Variants in STXBP5L observed in about 807,000 individuals in gnomAD.
STXBP5L encodes syntaxin-binding protein 5-like.
STXBP5L carries 65 observed loss-of-function variants against 144.5 expected under a neutral mutation model. The observed-to-expected ratio is 0.45, with a 90% confidence interval of 0.37 to 0.55. The LOEUF is 0.55. Ranked by LOEUF, STXBP5L falls within the 20% of genes least tolerant of loss-of-function variation. STXBP5L has a pLI of 0.00. For missense variants in STXBP5L, 1,298 were observed against 1,405.5 expected, an observed-to-expected ratio of 0.92 and a Z score of 1.22; for synonymous variants, 505 against 469.6, an observed-to-expected ratio of 1.08 and a Z score of -0.97.
At position 121,418,594 on chromosome 3, in the gene STXBP5L, G is replaced by A. The variant is rs753861537; in HGVS notation, c.3447+37G>A. On this transcript the variant is annotated intron_variant, in intron 26 of 26. Transcript: ENST00000471454. ...AAGTAAATACAGACATCTTCATACA[G>A]GAGTAACTTTAAACATTTAGGATCT... 1.9e-6 allele frequency: 3 copies of A among 1,594,440 alleles called. No homozygotes were observed. The South Asian group carries it at 3.3e-5, about 18-fold the overall frequency.
intron 19 of STXBP5L, among the ~76,000 whole-genome samples, chr3:121,312,503 G>A (rs1393361158): frequency 1.4e-4 from 16 of 111,292 alleles, no homozygotes; most frequent in East Asian, 2.4e-4. Context: ...GGTGTTTCTC[G>A]CAGAGGGGGA....
chr3:121,242,180 A>T (rs996236867), intron 14 of STXBP5L, among the ~76,000 whole-genome samples: 4 of 152,184 alleles, frequency 2.6e-5, no homozygotes, highest in Non-Finnish European at 5.9e-5. Flanking sequence ...AAGGAAATGA[A>T]CCTTGGTTCA....
chr3:121,097,284 C>T (rs2043178601), intron 5 of STXBP5L, among the ~76,000 whole-genome samples: 1 of 152,184 alleles, frequency 6.6e-6, no homozygotes, highest in Non-Finnish European at 1.5e-5. Flanking sequence ...CCACTTGGCT[C>T]CCTGACTTCA....
chr3:121,331,114 C>T (rs1194503238), intron 20 of STXBP5L, among the ~76,000 whole-genome samples: 1 of 152,142 alleles, frequency 6.6e-6, no homozygotes, highest in Non-Finnish European at 1.5e-5. Context: ...AGGGAGTGCA[C>T]AACATTAAGG....
intron 9 of STXBP5L, among the ~76,000 whole-genome samples, chr3:121,173,196 A>G (rs12495905): frequency 0.099 from 15,072 of 152,008 alleles, 1,176 homozygotes; most frequent in Admixed American, 0.2. Flanking sequence ...GGGGGCTAGC[A>G]GAGGGATAGC....
intron 3 of STXBP5L, among the ~76,000 whole-genome samples, chr3:120,959,821 A>T (rs1029203300): frequency 6.6e-6 from 1 of 152,198 alleles, no homozygotes; most frequent in Non-Finnish European, 1.5e-5. Flanking sequence ...AACCTAGGCA[A>T]TACCATTCAG....
intron 2 of STXBP5L, among the ~76,000 whole-genome samples, chr3:120,915,948 T>TA (rs1442256966): frequency 6.6e-6 from 1 of 152,158 alleles, no homozygotes; most frequent in Non-Finnish European, 1.5e-5. Flanking sequence ...AGCAAGAAGG[T>TA]ATTTTGACAT....
chr3:120,951,199 C>T (rs550365911), intron 2 of STXBP5L, among the ~76,000 whole-genome samples: 31 of 152,126 alleles, frequency 2.0e-4, no homozygotes, highest in Admixed American at 7.2e-4. Context: ...CCATAAAAAC[C>T]GTAGAAGAAA....
intron 2 of STXBP5L, 58 bp from the exon 3 acceptor site, chr3:120,954,882 T>C (rs1057231465): frequency 3.5e-6 from 5 of 1,439,102 alleles, no homozygotes; most frequent in Non-Finnish European, 4.8e-6. Context: ...TAATGGTATC[T>C]TGTGATTGTA....
intron 5 of STXBP5L, among the ~76,000 whole-genome samples, chr3:121,073,244 C>A (rs1012724995): frequency 2.6e-5 from 4 of 152,208 alleles, no homozygotes; most frequent in African/African-American, 2.4e-5. Context: ...ATTCTGTTGG[C>A]AGCAGTGTGG....
At chr3:120,950,387 CT>C (rs1711133546) in intron 2 of STXBP5L, among the ~76,000 whole-genome samples, 1 of 151,968 alleles carries the variant, frequency 6.6e-6, no homozygotes, top group African/African-American at 2.4e-5. Context: ...TATGTCTATC[CT>C]TATGCCAATA....
chr3:121,361,749 C>T (rs778632044), intron 20 of STXBP5L, among the ~76,000 whole-genome samples: 1 of 151,814 alleles, frequency 6.6e-6, no homozygotes, highest in Non-Finnish European at 1.5e-5. Context: ...TTTGAGTTCT[C>T]TATATGAAAG....
chr3:121,079,960 A>C (rs188404576), intron 5 of STXBP5L, among the ~76,000 whole-genome samples: 2 of 152,022 alleles, frequency 1.3e-5, no homozygotes, highest in Non-Finnish European at 2.9e-5. Flanking sequence ...TGTCTATTTT[A>C]TTTCTTAGGT....
intron 2 of STXBP5L, among the ~76,000 whole-genome samples, chr3:120,915,205 G>A (rs1036653289): frequency 1.3e-5 from 2 of 152,078 alleles, no homozygotes; most frequent in Admixed American, 1.3e-4. Flanking sequence ...TAATTTCCAA[G>A]TATGTTTTTC....
At chr3:121,151,500 TGA>T (rs1413992093) in intron 7 of STXBP5L, among the ~76,000 whole-genome samples, 2 of 152,174 alleles carry the variant, frequency 1.3e-5, no homozygotes, top group African/African-American at 4.8e-5. Context: ...TCGAGATAAG[TGA>T]TAAGGTCTCA....
intron 4 of STXBP5L, 139 bp downstream of exon 4, chr3:121,041,920 C>T: frequency 1.7e-6 from 1 of 585,536 alleles, no homozygotes; most frequent in South Asian, 2.6e-5. Flanking sequence ...ATATTTTTCA[C>T]AAAAGACTGT....
intron 20 of STXBP5L, chr3:121,357,853 C>T (rs1024395844): frequency 1.3e-5 from 2 of 152,226 alleles, no homozygotes; most frequent in Admixed American, 6.5e-5. Flanking sequence ...AAAAGAGCCA[C>T]AACCACAGAC....
At chr3:121,050,771 T>A (rs1449082450) in intron 5 of STXBP5L, among the ~76,000 whole-genome samples, 2 of 152,170 alleles carry the variant, frequency 1.3e-5, no homozygotes, top group Admixed American at 6.5e-5. Context: ...AATGCTCCAA[T>A]TAAAAGACAC....
At chr3:121,349,088 G>T (rs995451464) in intron 20 of STXBP5L, among the ~76,000 whole-genome samples, 4 of 151,986 alleles carry the variant, frequency 2.6e-5, no homozygotes, top group African/African-American at 7.3e-5. Flanking sequence ...TTCTCTTGTG[G>T]GCATTTAGTG....
Sources: gnomAD v4.1 joint callset for allele counts (sites outside exome capture counted in the v4.1 genomes callset) on GRCh38, gnomAD v4.1.1 for gene constraint, MANE v1.5 for transcripts, NCBI Gene and HGNC (gene_info 2026-07-23, HGNC 2026-07-21) for gene names.